HS2ST1: variants seen among roughly 807,000 people sequenced by gnomAD.
HS2ST1 encodes heparan sulfate 2-O-sulfotransferase 1.
A neutral mutation model predicts 42.9 loss-of-function variants in HS2ST1; 18 were observed. The ratio of observed to expected loss-of-function variants is 0.42; its 90% confidence interval spans 0.29 to 0.62. The LOEUF (loss-of-function observed/expected upper bound fraction) is 0.62, where lower values mean the gene tolerates loss of function less well. Ranked by LOEUF, HS2ST1 falls within the 20% of genes least tolerant of loss-of-function variation. The pLI, the probability that HS2ST1 is intolerant of heterozygous loss-of-function variation, is 0.21. For missense variants in HS2ST1, 334 were observed against 433.8 expected (o/e 0.77, Z 2.04); for synonymous variants, 146 against 152.9 (o/e 0.95, Z 0.33).
At chr1:87,038,913 A>G (rs1345458905) in intron 1 of HS2ST1, among the ~76,000 whole-genome samples, 1 of 152,114 alleles carries the variant, frequency 6.6e-6, no homozygotes, top group Non-Finnish European at 1.5e-5. Context: ...AGCTTTGAGT[A>G]TATTGCCGTT....
At chr1:87,022,251 A>G (rs533383360) in intron 1 of HS2ST1, among the ~76,000 whole-genome samples, 1 of 152,350 alleles carries the variant, frequency 6.6e-6, no homozygotes, top group South Asian at 2.1e-4. Context: ...TTAATAAGGT[A>G]GCTTTCTTAC....
At chr1:86,965,463 GTGT>G (rs1484585962) in intron 1 of HS2ST1, among the ~76,000 whole-genome samples, 23 of 152,040 alleles carry the variant, frequency 1.5e-4, no homozygotes, top group African/African-American at 5.6e-4. Context: ...AGACCTTAGG[GTGT>G]TGTTGAGCAA....
At chr1:86,931,219 T>C (rs905744224) in intron 1 of HS2ST1, among the ~76,000 whole-genome samples, 1 of 152,098 alleles carries the variant, frequency 6.6e-6, no homozygotes, top group African/African-American at 2.4e-5. Context: ...TCACATTTAT[T>C]ATTCAGTTTA....
intron 1 of HS2ST1, among the ~76,000 whole-genome samples, chr1:86,963,575 T>G (rs1433262527): frequency 1.3e-5 from 2 of 152,172 alleles, no homozygotes; most frequent in Admixed American, 6.5e-5. Context: ...GACACAGCAA[T>G]AATCTGATTT....
intron 1 of HS2ST1, among the ~76,000 whole-genome samples, chr1:87,068,692 G>T (rs1651316578): frequency 6.6e-6 from 1 of 152,060 alleles, no homozygotes; most frequent in African/African-American, 2.4e-5. Context: ...CTTACTGTTG[G>T]CCAGAAGCCT....
At chr1:86,992,049 T>G (rs1648968379) in intron 1 of HS2ST1, among the ~76,000 whole-genome samples, 1 of 152,030 alleles carries the variant, frequency 6.6e-6, no homozygotes, top group Non-Finnish European at 1.5e-5. Flanking sequence ...CAGCACTAGA[T>G]TCTCACAGGA....
chr1:87,041,721 ATAATGTTCTCAAGGTT>A (rs1650529884), intron 1 of HS2ST1, among the ~76,000 whole-genome samples: 1 of 152,196 alleles, frequency 6.6e-6, no homozygotes, highest in African/African-American at 2.4e-5. Context: ...TTCACTTGGC[ATAATGTTCTCAAGGTT>A]AATCTGTGTT....
intron 1 of HS2ST1, among the ~76,000 whole-genome samples, chr1:87,021,714 C>T (rs1226874839): frequency 1.3e-5 from 2 of 152,134 alleles, no homozygotes; most frequent in African/African-American, 4.8e-5. Context: ...CACAGTCTCA[C>T]TTTGTTGCAT....
At chr1:87,058,729 G>C (rs1651040807) in intron 1 of HS2ST1, among the ~76,000 whole-genome samples, 2 of 151,532 alleles carry the variant, frequency 1.3e-5, no homozygotes, top group Non-Finnish European at 2.9e-5. Context: ...TTACCATATA[G>C]GATTATTGCA....
At chr1:87,040,793 G>A (rs1267361827) in intron 1 of HS2ST1, among the ~76,000 whole-genome samples, 1 of 152,000 alleles carries the variant, frequency 6.6e-6, no homozygotes, top group African/African-American at 2.4e-5. Context: ...TGTCTCAGGG[G>A]GAAAAAAGCC....
intron 1 of HS2ST1, among the ~76,000 whole-genome samples, chr1:87,008,076 G>T (rs1163641068): frequency 6.6e-6 from 1 of 152,122 alleles, no homozygotes; most frequent in East Asian, 1.9e-4. Flanking sequence ...TGTGAGGAAA[G>T]AAATAATATT....
intron 1 of HS2ST1, among the ~76,000 whole-genome samples, chr1:87,003,261 A>T (rs188917207): frequency 6.7e-6 from 1 of 148,642 alleles, no homozygotes; most frequent in East Asian, 2.1e-4. Context: ...TGTGTTAGGT[A>T]TGAAATTAGT....
At chr1:87,021,348 C>T (rs1227276178) in intron 1 of HS2ST1, among the ~76,000 whole-genome samples, 2 of 152,140 alleles carry the variant, frequency 1.3e-5, no homozygotes, top group African/African-American at 4.8e-5. Context: ...TATTTGTAGG[C>T]CCTACAAACA....
chr1:87,107,552 T>G lies in HS2ST1; in HGVS notation c.*2856T>G, dbSNP rs1451077985. On this transcript the variant is annotated 3_prime_UTR_variant, in exon 7 of 7. Transcript: ENST00000370550. ...TCAGCCTTTGCGCTTTTTCAGTATT[T>G]TGACCATAGGGAGATAATTTTTTTA... 6.6e-6 allele frequency: 1 copy of G among 151,852 alleles called. No homozygotes were observed. Among genetic ancestry groups the G allele is most frequent in the Non-Finnish European group, 1.5e-5 (1 of 67,866 alleles). The allele number at this position is 151,852 out of a possible 1,614,324, so 9.4% of individuals were successfully genotyped here.
intron 1 of HS2ST1, among the ~76,000 whole-genome samples, chr1:86,946,301 G>T (rs1187149138): frequency 1.3e-5 from 2 of 152,198 alleles, no homozygotes; most frequent in African/African-American, 2.4e-5. Flanking sequence ...AAGGATCTTA[G>T]TGATTGTCCA....
intron 5 of HS2ST1, among the ~76,000 whole-genome samples, chr1:87,100,847 G>C (rs892740161): frequency 2.0e-5 from 3 of 152,150 alleles, no homozygotes; most frequent in Non-Finnish European, 4.4e-5. Context: ...CATGAGTCCA[G>C]GAGGTTAAGG....
intron 1 of HS2ST1, among the ~76,000 whole-genome samples, chr1:86,990,541 T>C (rs1453773352): frequency 2.0e-5 from 3 of 152,016 alleles, no homozygotes; most frequent in Admixed American, 6.6e-5. Context: ...AGCTAGAGTT[T>C]GTAACCCCTG....
chr1:87,098,073 G>C, intron 5 of HS2ST1, 138 bp downstream of exon 5: 1 of 1,443,082 alleles, frequency 6.9e-7, no homozygotes, highest in Non-Finnish European at 9.1e-7. Flanking sequence ...GTAATATCTA[G>C]TTTTGCAGTT....
At chr1:87,051,835 G>A (rs140191937) in intron 1 of HS2ST1, among the ~76,000 whole-genome samples, 7 of 152,152 alleles carry the variant, frequency 4.6e-5, no homozygotes, top group East Asian at 1.9e-4. Flanking sequence ...TTTGGAAATC[G>A]ATGTTTAAAA....
Sources: allele counts gnomAD v4.1 joint callset (sites outside exome capture counted in the v4.1 genomes callset), GRCh38; gene constraint gnomAD v4.1.1; transcripts MANE v1.5; gene names NCBI Gene and HGNC (gene_info 2026-07-23, HGNC 2026-07-21).